Variants in ULBP3 observed in about 807,000 individuals in gnomAD.
The protein encoded by ULBP3 is UL16-binding protein 3.
A neutral mutation model predicts 24.9 loss-of-function variants in ULBP3; 25 were observed. That is an observed-to-expected ratio of 1.00 (90% CI 0.73 to 1.40). ULBP3 has a LOEUF of 1.40. Among genes scored for constraint, ULBP3 ranks in the 40% most tolerant of loss-of-function variants. The pLI, the probability that ULBP3 is intolerant of heterozygous loss-of-function variation, is 0.00. For missense variants in ULBP3, 306 were observed against 307.5 expected (o/e 1.00, Z 0.04); for synonymous variants, 114 against 114.7 (o/e 0.99, Z 0.04).
chr6:150,068,840 G>A, intron 1 of ULBP3, 139 bp downstream of exon 1: 1 of 868,774 alleles, frequency 1.2e-6, no homozygotes, highest in East Asian at 3.1e-5. Flanking sequence ...AAAGAGCAGC[G>A]AATCGGAACT....
rs1239455886 is a variant in ULBP3 at position 150,063,240 on chromosome 6, C to T, written c.*134G>A. 2 of 581,918 alleles carry T rather than the reference C, an allele frequency of 3.4e-6. No homozygotes were observed. The highest frequency in any genetic ancestry group is 4.3e-6 in the Non-Finnish European group (2 of 461,566). 36.0% of individuals were successfully genotyped at this position (581,918 alleles called of 1,614,324 possible). On this transcript the variant is annotated 3_prime_UTR_variant, in exon 5 of 5. Transcript: ENST00000367339. ...CTGGGGGCCTCTGGGCTTGCTAAGGCTTGAACTCCTGCTTTCCAGAAAGGC... is the reference window on the plus strand; with the variant it reads ...CTGGGGGCCTCTGGGCTTGCTAAGGTTTGAACTCCTGCTTTCCAGAAAGGC...
In ULBP3 at chr6:150,061,932, G is replaced by C. The variant is rs1333579767; in HGVS notation, c.*1442C>G. Among the ~76,000 whole-genome samples the C allele has an allele frequency of 6.6e-6, 1 of 152,224 alleles. No individual in the cohort carries two copies. Among genetic ancestry groups the C allele is most frequent in the Admixed American group, 6.5e-5 (1 of 15,284 alleles). ...CCATCTCCAACTTTGTGACTGGTAA[G>C]AGATGGTAACTCATTGCAGTTTTGA... On this transcript the variant is annotated 3_prime_UTR_variant, in exon 5 of 5. Transcript: ENST00000367339.
chr6:150,064,556 C>G, intron 4 of ULBP3, 29 bp downstream of exon 4: 1 of 1,591,772 alleles, frequency 6.3e-7, no homozygotes, highest in Non-Finnish European at 8.6e-7. Flanking sequence ...ATCTGTCTCT[C>G]GTTCCCCTCA....
Position 150,065,424 on chromosome 6 carries a change from T to C in ULBP3, c.602A>G (p.His201Arg), listed in dbSNP as rs1192181336. 2 of 1,614,168 alleles carry C rather than the reference T, an allele frequency of 1.2e-6. No homozygotes were observed. The highest frequency in any genetic ancestry group is 1.7e-5 in the Admixed American group (1 of 60,022). Residue 201 changes from histidine to arginine, a missense_variant, in exon 3 of 5, where the codon CAC (histidine) becomes CGC (arginine). Coordinates refer to ENST00000367339, the MANE Select transcript of ULBP3 (RefSeq NM_024518.3). ...CKSWLRDFLM[H>R]RKKRLEPTAP... Reference sequence around the variant, plus strand: ...TGTGGGTTCCAGCCTCTTCTTCCTGTGCATCAGGAAGTCCCTAAGCCAGCT... The same window carrying C: ...TGTGGGTTCCAGCCTCTTCTTCCTGCGCATCAGGAAGTCCCTAAGCCAGCT...
chr6:150,062,948 A>G lies in ULBP3; in HGVS notation c.*426T>C, dbSNP rs1489768274. ...AAACCCTGTCTCTACTAAAAATACA[A>G]AAAATTAGCCGGGCGCGGTGGCGGG... On this transcript the variant is annotated 3_prime_UTR_variant, in exon 5 of 5. Coordinates refer to ENST00000367339, the MANE Select transcript of ULBP3 (RefSeq NM_024518.3). 6.6e-6 allele frequency among the ~76,000 whole-genome samples: 1 copy of G among 151,498 alleles called. No individual in the cohort carries two copies. The highest frequency in any genetic ancestry group is 2.4e-5 in the African/African-American group (1 of 41,190).
At chr6:150,065,261 ACACT>A (rs774842542) in intron 3 of ULBP3, 133 bp downstream of exon 3, 16 of 1,246,566 alleles carry the variant, frequency 1.3e-5, no homozygotes, top group Non-Finnish European at 1.8e-5. Flanking sequence ...ACTCAAACAC[ACACT>A]CACACTCACA....
Position 150,068,877 on chromosome 6 carries a change from G to T in ULBP3, c.88+102C>A, listed in dbSNP as rs1043087934. 2.0e-5 allele frequency: 25 copies of T among 1,239,224 alleles called. No individual in the cohort carries two copies. In the African/African-American group the frequency reaches 3.5e-4, roughly 17 times the overall value. 76.8% of individuals were successfully genotyped at this position (1,239,224 alleles called of 1,614,324 possible). A position where few individuals can be genotyped will look rare whatever the true frequency, so the allele number is the denominator to read the frequency against. ...AGCGTGGGGGCAGTCCGGGGAGATCGCGCCGGTCCTTCTAGAAGGCTTCCC... is the reference window on the plus strand; with the variant it reads ...AGCGTGGGGGCAGTCCGGGGAGATCTCGCCGGTCCTTCTAGAAGGCTTCCC... On this transcript the variant is annotated intron_variant, in intron 1 of 4. Transcript: ENST00000367339.
chr6:150,068,853 G>T, intron 1 of ULBP3, 126 bp downstream of exon 1: 1 of 1,009,932 alleles, frequency 9.9e-7, no homozygotes. Context: ...TCGGAACTGA[G>T]CGTGGGGGCA....
rs1421682739 is a variant in ULBP3, at chr6:150,066,406, GGAA to G, written c.89-247_89-245del. 2.0e-5 allele frequency among the ~76,000 whole-genome samples: 3 copies of G among 152,320 alleles called. No individual in the cohort carries two copies. The East Asian group carries it at 5.8e-4, about 29-fold the overall frequency. On this transcript the variant is annotated intron_variant, in intron 1 of 4. Transcript: ENST00000367339. ...CCAGGGAGGTGGCAGGCCCACTACA[GGAA>G]GAAGGACTTAGATGGCAGGATCTGC... is the stretch of plus-strand genomic sequence containing the variant.
rs1406029944 is a variant in ULBP3, at chr6:150,066,121, G to A, written c.130C>T (p.Pro44Ser). 1 of 1,614,098 alleles carries A rather than the reference G, an allele frequency of 6.2e-7. No homozygotes were observed. ...LWYNFTIIHL[P>S]RHGQQWCEVQ... The stretch of plus-strand genomic sequence containing the variant: ...TCACACCACTGTTGCCCATGTCTGG[G>A]CAAATGAATGATGGTGAAGTTATAC... The change falls in exon 2 of 5, where the codon CCC (proline) becomes TCC (serine). Residue 44 changes from proline to serine, a missense_variant. Coordinates refer to ENST00000367339, the MANE Select transcript of ULBP3 (RefSeq NM_024518.3).
rs747663456 is a variant in ULBP3, at chr6:150,065,590, C to A, written c.436G>T (p.Gly146Ter). Residue 146 changes from glycine (G) to a stop codon, truncating the protein, a stop_gained, in exon 3 of 5, where the codon GGA (glycine) becomes TGA (stop). Coordinates refer to ENST00000367339, the MANE Select transcript of ULBP3 (RefSeq NM_024518.3). LOFTEE classifies it high-confidence loss of function. ...GAGTCAAAGAGGAGGAACTTCCGTC[C>A]ATCGAAGCTGAACTGCCAAGATCCA... ...IRGSWQFSFD[G>*]RKFLLFDSNN... 13 of 1,614,200 alleles carry A rather than the reference C, an allele frequency of 8.1e-6. No individual in the cohort carries two copies. Among genetic ancestry groups the A allele is most frequent in the Non-Finnish European group, 1.1e-5 (13 of 1,180,026 alleles).
At chr6:150,066,932 A>G (rs367594154) in intron 1 of ULBP3, among the ~76,000 whole-genome samples, 5 of 152,090 alleles carry the variant, frequency 3.3e-5, no homozygotes, top group African/African-American at 9.7e-5. Flanking sequence ...TGGGGATGGA[A>G]AATCCTGAAA....
intron 3 of ULBP3, among the ~76,000 whole-genome samples, 183 bp from the exon 4 acceptor site, chr6:150,064,896 G>GAGCTC (rs1196875300): frequency 4.6e-5 from 7 of 152,060 alleles, no homozygotes; most frequent in African/African-American, 1.7e-4. Context: ...TGTCCTCAGG[G>GAGCTC]AGCTCACACA....
chr6:150,068,207 T>C (rs1776375950), intron 1 of ULBP3, among the ~76,000 whole-genome samples: 1 of 151,970 alleles, frequency 6.6e-6, no homozygotes, highest in Admixed American at 6.5e-5. Context: ...CTGGGGACCG[T>C]TAATGCTACT....
In ULBP3 at chr6:150,062,365, G is replaced by A. The variant is rs978779827; in HGVS notation, c.*1009C>T. ...GGATTTTCACAGTTTTATTACCTGC[G>A]CAACATAGGAAGACCCAATCTCTAC... On this transcript the variant is annotated 3_prime_UTR_variant, in exon 5 of 5. Transcript: ENST00000367339. Among the ~76,000 whole-genome samples the A allele has an allele frequency of 2.6e-5, 4 of 152,108 alleles. No individual in the cohort carries two copies. Among genetic ancestry groups the A allele is most frequent in the African/African-American group, 4.8e-5 (2 of 41,496 alleles).
At chr6:150,067,291 T>C (rs1392923911) in intron 1 of ULBP3, among the ~76,000 whole-genome samples, 1 of 152,162 alleles carries the variant, frequency 6.6e-6, no homozygotes, top group Non-Finnish European at 1.5e-5. Context: ...GGTGGGCTCC[T>C]TCAACCCCAC....
intron 1 of ULBP3, among the ~76,000 whole-genome samples, chr6:150,067,213 C>T (rs940570845): frequency 2.6e-5 from 4 of 152,162 alleles, no homozygotes; most frequent in African/African-American, 9.7e-5. Context: ...GCTCCCTCGC[C>T]CAGCTTTGAG....
At position 150,062,975 on chromosome 6, in the gene ULBP3, G is replaced by A. The variant is rs1252617975; in HGVS notation, c.*399C>T. On this transcript the variant is annotated 3_prime_UTR_variant, in exon 5 of 5. Coordinates refer to ENST00000367339, the MANE Select transcript of ULBP3 (RefSeq NM_024518.3). Reference sequence around the variant, plus strand: ...AAATTAGCCGGGCGCGGTGGCGGGTGCCTGTAGTCCCAGCTACTCGGGAGG... The same window carrying A: ...AAATTAGCCGGGCGCGGTGGCGGGTACCTGTAGTCCCAGCTACTCGGGAGG... Among the ~76,000 whole-genome samples, 1 of 151,382 alleles carries A rather than the reference G, an allele frequency of 6.6e-6. No individual in the cohort carries two copies. The highest frequency in any genetic ancestry group is 2.4e-5 in the African/African-American group (1 of 41,154).
At chr6:150,065,274 CACAT>C (rs1201198456) in intron 3 of ULBP3, 120 bp downstream of exon 3, 34 of 1,357,188 alleles carry the variant, frequency 2.5e-5, no homozygotes, top group South Asian at 2.7e-5. Flanking sequence ...CTCACACTCA[CACAT>C]ACATAGACTC....
Sources: gnomAD v4.1 joint callset for allele counts (sites outside exome capture counted in the v4.1 genomes callset) on GRCh38, gnomAD v4.1.1 for gene constraint, MANE v1.5 for transcripts, NCBI Gene and HGNC (gene_info 2026-07-23, HGNC 2026-07-21) for gene names.